Variants in HSH2D observed in about 807,000 individuals in gnomAD.
HSH2D encodes the protein hematopoietic SH2 domain containing.
In HSH2D, 16 loss-of-function variants were observed where a neutral mutation model predicts 21.5. That is an observed-to-expected ratio of 0.74 (90% CI 0.50 to 1.13). The LOEUF is 1.13. HSH2D is among the 50% of genes most tolerant of loss of function. HSH2D has a pLI of 0.00. For missense variants in HSH2D, 418 were observed against 441.4 expected (o/e 0.95, Z 0.47); for synonymous variants, 172 against 184.7 (o/e 0.93, Z 0.56).
At chr19:16,147,517 A>G (rs1381505481) in intron 1 of HSH2D, among the ~76,000 whole-genome samples, 1 of 151,806 alleles carries the variant, frequency 6.6e-6, no homozygotes, top group African/African-American at 2.4e-5. Context: ...ACACAATGGC[A>G]TAAGAAGAAT....
intron 1 of HSH2D, among the ~76,000 whole-genome samples, chr19:16,145,616 C>G (rs2091057271): frequency 6.6e-6 from 1 of 152,172 alleles, no homozygotes; most frequent in South Asian, 2.1e-4. Context: ...GGCCATACCC[C>G]AGAGGGTATG....
chr19:16,152,938 TG>T, intron 3 of HSH2D, 104 bp from the exon 4 acceptor site: 1 of 1,348,588 alleles, frequency 7.4e-7, no homozygotes, highest in Non-Finnish European at 1.0e-6. Flanking sequence ...CATGGGAACC[TG>T]GGGTAGTCTG....
At chr19:16,144,933 C>A (rs1260750983) in intron 1 of HSH2D, among the ~76,000 whole-genome samples, 1 of 151,250 alleles carries the variant, frequency 6.6e-6, no homozygotes, top group Admixed American at 6.6e-5. Flanking sequence ...ACCTCGTGAT[C>A]TGCCTGCCTC....
At chr19:16,139,076 T>C (rs1202150506), upstream of HSH2D, among the ~76,000 whole-genome samples, 1 of 152,202 alleles carries the variant, frequency 6.6e-6, no homozygotes, top group Non-Finnish European at 1.5e-5. Flanking sequence ...CAGGCTGGTC[T>C]TGAACTCCTG....
upstream of HSH2D, among the ~76,000 whole-genome samples, chr19:16,138,973 T>G (rs2145010891): frequency 6.6e-6 from 1 of 152,264 alleles, no homozygotes; most frequent in Non-Finnish European, 1.5e-5. Context: ...TTCTTCTGCC[T>G]CAGCCTCCTG....
At chr19:16,145,205 A>G (rs796504238) in intron 1 of HSH2D, among the ~76,000 whole-genome samples, 82 of 149,482 alleles carry the variant, frequency 5.5e-4, no homozygotes, top group African/African-American at 1.7e-3. Flanking sequence ...TAAGTTTTGT[A>G]TTTTTATTTC....
chr19:16,138,763 G>C (rs1297841788), upstream of HSH2D, among the ~76,000 whole-genome samples: 1 of 152,008 alleles, frequency 6.6e-6, no homozygotes, highest in Non-Finnish European at 1.5e-5. Flanking sequence ...GCCTGCCCTT[G>C]CTATTTTCTT....
chr19:16,157,754 A>T lies in HSH2D; in HGVS notation c.1019A>T (p.Glu340Val). 1 of 1,611,048 alleles carries T rather than the reference A, an allele frequency of 6.2e-7. No individual in the cohort carries two copies. The change falls in exon 6 of 6, where the codon GAG becomes GTG. Residue 340 changes from glutamate to valine, a missense_variant. Coordinates refer to ENST00000613986, the MANE Select transcript of HSH2D (RefSeq NM_001382417.1). This position sits in a 1 kb window ranked among gnomAD's most constrained non-coding sequence, Gnocchi z 4.4. ...AEPENDQLPE[E>V]YQQPPPFAPG... is the part of the protein sequence containing the mutation. ...CCTGAGAACGACCAGCTCCCGGAGG[A>T]GTACCAACAACCGCCACCCTTTGCC...
chr19:16,143,588 G>T, upstream of HSH2D: 1 of 296,526 alleles, frequency 3.4e-6, no homozygotes. Context: ...TGCTTTGTTG[G>T]ACTGCAGACA....
intron 2 of HSH2D, chr19:16,151,338 AAAAAG>A (rs2091146528): frequency 3.8e-6 from 1 of 259,754 alleles, no homozygotes; most frequent in Non-Finnish European, 7.8e-6. Context: ...AAAAAAAAAA[AAAAAG>A]AGAGAGAGAG....
upstream of HSH2D, among the ~76,000 whole-genome samples, chr19:16,143,243 C>G (rs575351396): frequency 3.9e-5 from 6 of 152,118 alleles, no homozygotes; most frequent in Non-Finnish European, 8.8e-5. Context: ...CGCCGCCACA[C>G]CCGGCTGATT....
chr19:16,149,296 G>A (rs564311944), intron 2 of HSH2D, among the ~76,000 whole-genome samples: 36 of 152,246 alleles, frequency 2.4e-4, no homozygotes, highest in South Asian at 6.2e-4. Flanking sequence ...TCTGCCTCCC[G>A]GACTCAAGTG....
intron 1 of HSH2D, among the ~76,000 whole-genome samples, chr19:16,148,241 C>T (rs60455905): frequency 0.095 from 14,457 of 151,890 alleles, 938 homozygotes; most frequent in East Asian, 0.28. Context: ...CTCTGCCCCC[C>T]GGGTTCAAGT....
intron 1 of HSH2D, among the ~76,000 whole-genome samples, chr19:16,137,022 C>T (rs2090968500): frequency 6.6e-6 from 1 of 152,200 alleles, no homozygotes; most frequent in South Asian, 2.1e-4. Context: ...CTCTTAACCT[C>T]ACTCTTGTGT....
chr19:16,143,148 G>A (rs374204852), upstream of HSH2D, among the ~76,000 whole-genome samples: 6 of 151,718 alleles, frequency 4.0e-5, no homozygotes, highest in African/African-American at 9.7e-5. Flanking sequence ...GCAATGGTGC[G>A]ATCTCTGCTC....
upstream of HSH2D, chr19:16,139,946 T>C (rs1263037853): frequency 6.6e-6 from 1 of 152,136 alleles, no homozygotes; most frequent in African/African-American, 2.4e-5. Context: ...TGTTGCGACA[T>C]CTGAAAGGAA....
At chr19:16,156,000 G>T (rs1162938277) in intron 5 of HSH2D, among the ~76,000 whole-genome samples, 1 of 151,834 alleles carries the variant, frequency 6.6e-6, no homozygotes, top group Non-Finnish European at 1.5e-5. Flanking sequence ...GAAGTGAGGT[G>T]GGGGTGGAGG....
chr19:16,136,108 T>A (rs1355316103), intron 1 of HSH2D, among the ~76,000 whole-genome samples: 1 of 152,140 alleles, frequency 6.6e-6, no homozygotes, highest in Non-Finnish European at 1.5e-5. Flanking sequence ...GGTCCCTGGC[T>A]TAGCTCCCAT....
At chr19:16,142,931 C>T (rs149335400), upstream of HSH2D, among the ~76,000 whole-genome samples, 12,119 of 151,492 alleles carry the variant, frequency 0.08, 651 homozygotes, top group Non-Finnish European at 0.12. Flanking sequence ...CGCCACCACG[C>T]CTAATTTTTG....
Sources: allele counts gnomAD v4.1 joint callset (sites outside exome capture counted in the v4.1 genomes callset), GRCh38; gene constraint gnomAD v4.1.1; non-coding constraint Gnocchi (gnomAD v3.1); transcripts MANE v1.5; gene names NCBI Gene and HGNC (gene_info 2026-07-23, HGNC 2026-07-21).